LTBP1: variants seen among roughly 807,000 people sequenced by gnomAD.
LTBP1 encodes latent transforming growth factor beta binding protein 1.
A neutral mutation model predicts 207.6 loss-of-function variants in LTBP1; 129 were observed. The observed-to-expected ratio is 0.62, with a 90% confidence interval of 0.54 to 0.72. The LOEUF is 0.72. LTBP1 is among the 30% of genes least tolerant of loss of function. LTBP1 has a pLI of 0.00. For synonymous variants in LTBP1, 963 were observed against 833.7 expected, an observed-to-expected ratio of 1.16 and a Z score of -2.67; for missense variants, 2,281 against 2,217.2, an observed-to-expected ratio of 1.03 and a Z score of -0.58.
chr2:33,337,732 T>C (rs1405453336), intron 24 of LTBP1, among the ~76,000 whole-genome samples: 1 of 152,230 alleles, frequency 6.6e-6, no homozygotes, highest in Non-Finnish European at 1.5e-5. Context: ...AATTGCTTGG[T>C]AGTTTTAACA....
chr2:33,157,824 G>A (rs983868317), intron 5 of LTBP1, among the ~76,000 whole-genome samples: 4 of 152,090 alleles, frequency 2.6e-5, no homozygotes, highest in East Asian at 1.9e-4. Flanking sequence ...GGGTTACTGG[G>A]AAAAGCTGGA....
At chr2:33,186,796 A>G in intron 5 of LTBP1, 60 bp from the exon 6 acceptor site, 2 of 1,329,056 alleles carry the variant, frequency 1.5e-6, no homozygotes, top group South Asian at 1.2e-5. Context: ...TTGTTGGTTG[A>G]TCATTACTTA....
intron 25 of LTBP1, among the ~76,000 whole-genome samples, chr2:33,346,702 G>T (rs1027920090): frequency 2.0e-5 from 3 of 151,056 alleles, no homozygotes; most frequent in Admixed American, 2.0e-4. Context: ...AAAAAGAACT[G>T]AGAGTAGAGT....
intron 24 of LTBP1, among the ~76,000 whole-genome samples, chr2:33,330,389 C>CTCTA (rs1418123974): frequency 6.6e-6 from 1 of 151,794 alleles, no homozygotes; most frequent in Non-Finnish European, 1.5e-5. Context: ...TGTCTAGGAC[C>CTCTA]TCTACTGCAA....
chr2:33,033,847 C>T (rs1318065871), intron 3 of LTBP1, among the ~76,000 whole-genome samples: 2 of 152,122 alleles, frequency 1.3e-5, no homozygotes, highest in African/African-American at 4.8e-5. Flanking sequence ...CTTCAACTAG[C>T]TTTGGTGCTA....
chr2:33,129,406 T>G (rs984989910), intron 4 of LTBP1, among the ~76,000 whole-genome samples: 1 of 152,204 alleles, frequency 6.6e-6, no homozygotes, highest in Non-Finnish European at 1.5e-5. Flanking sequence ...TCAGTTCTAG[T>G]GGACCCAGAA....
chr2:33,042,138 G>A (rs539585073), intron 3 of LTBP1, among the ~76,000 whole-genome samples: 4 of 152,174 alleles, frequency 2.6e-5, no homozygotes, highest in East Asian at 3.9e-4. Context: ...ATGCGTACTT[G>A]CCATCCATAG....
At chr2:33,326,811 A>C (rs1348708736) in intron 24 of LTBP1, among the ~76,000 whole-genome samples, 2 of 151,994 alleles carry the variant, frequency 1.3e-5, no homozygotes, top group Non-Finnish European at 2.9e-5. Flanking sequence ...GGCACGTGCC[A>C]CCACACCTGG....
chr2:33,213,571 A>G (rs147603754), intron 7 of LTBP1, among the ~76,000 whole-genome samples: 154 of 152,176 alleles, frequency 1.0e-3, no homozygotes, highest in African/African-American at 3.6e-3. Flanking sequence ...TCTTTCCTCT[A>G]CCTTCTTTTC....
At position 33,021,200 on chromosome 2, in the gene LTBP1, A is replaced by G. The variant is rs2075149880; in HGVS notation, c.857A>G (p.His286Arg). 3.1e-6 allele frequency: 5 copies of G among 1,587,394 alleles called. No homozygotes were observed. The highest frequency in any genetic ancestry group is 4.3e-6 in the Non-Finnish European group (5 of 1,162,534). ...TCAGTGGGACTCCCCCAGCAGATAC[A>G]TTCTCAGTGAGTGTTTCGAACTTTC... ...KPSVGLPQQI[H>R]SQVTPLSSQS... is the part of the protein sequence containing the mutation. Residue 286 changes from histidine to arginine, a missense_variant, in exon 3 of 34, where the codon CAT (histidine) becomes CGT (arginine). His to Arg is a conservative substitution (Grantham distance 29). Around this residue, in one of 3 missense-constraint regions of LTBP1, gnomAD observed 555 missense variants for 491.0 expected, o/e 1.13. Transcript: ENST00000404816.
At chr2:33,007,687 A>G (rs1053313825) in intron 2 of LTBP1, among the ~76,000 whole-genome samples, 1 of 152,222 alleles carries the variant, frequency 6.6e-6, no homozygotes, top group African/African-American at 2.4e-5. Context: ...TATCCCATAT[A>G]CAAATGTGAC....
At position 33,269,264 on chromosome 2, in the gene LTBP1, C is replaced by T. The variant is rs553371707; in HGVS notation, c.2618-4392C>T. On this transcript the variant is annotated intron_variant, in intron 15 of 33. Transcript: ENST00000404816. ...ACCACACTGTTAAATCTACCATTGG[C>T]CTTGTTGCTGGTATAAATAGAGTAT... is the stretch of plus-strand genomic sequence containing the variant. Among the ~76,000 whole-genome samples the T allele has an allele frequency of 2.0e-5, 3 of 152,256 alleles. No individual in the cohort carries two copies. The South Asian group carries it at 6.2e-4, about 32-fold the overall frequency.
Position 33,134,333 on chromosome 2 carries a change from TTAA to T in LTBP1, c.1034-456_1034-454del. ...CAGGGGTCGGGCTGCAAATAGTGAC[TTAA>T]TAAGTGGAGAAACAGGGAAAGTATG... On this transcript the variant is annotated intron_variant, in intron 4 of 33. Coordinates refer to ENST00000404816, the MANE Select transcript of LTBP1 (RefSeq NM_206943.4). This position sits in a 1 kb window ranked among gnomAD's most constrained non-coding sequence, Gnocchi z 4.4. The T allele has an allele frequency of 4.5e-6, 2 of 442,806 alleles. No individual in the cohort carries two copies. The highest frequency in any genetic ancestry group is 4.6e-6 in the Non-Finnish European group (1 of 217,214). The allele number at this position is 442,806 out of a possible 1,614,324, so 27.4% of individuals were successfully genotyped here.
chr2:33,339,454 A>G (rs896166650), intron 24 of LTBP1, among the ~76,000 whole-genome samples: 5 of 152,100 alleles, frequency 3.3e-5, no homozygotes, highest in African/African-American at 1.2e-4. Context: ...CAGAAAGCCT[A>G]CCTTTAGCAG....
intron 2 of LTBP1, among the ~76,000 whole-genome samples, chr2:33,019,328 CTTT>C (rs58570641): frequency 6.8e-5 from 6 of 87,672 alleles, no homozygotes; most frequent in African/African-American, 2.1e-4. Context: ...ATGTACACTT[CTTT>C]TTTTTTTTTT....
Position 33,011,297 on chromosome 2 carries a change from G to A in LTBP1, c.566-9612G>A, listed in dbSNP as rs189954993. On this transcript the variant is annotated intron_variant, in intron 2 of 33. Transcript: ENST00000404816. The stretch of plus-strand genomic sequence containing the variant: ...TGAATTGACTAGAACATCCAGAAAA[G>A]CATTGTTACAGAGGTGATGGTAGGG... Among the ~76,000 whole-genome samples, 383 of 152,216 alleles carry A rather than the reference G, an allele frequency of 2.5e-3. 1 individual carries two copies. Among genetic ancestry groups the A allele is most frequent in the African/African-American group, 9.0e-3 (375 of 41,548 alleles).
At chr2:33,158,409 T>C (rs148702394) in intron 5 of LTBP1, among the ~76,000 whole-genome samples, 95 of 152,298 alleles carry the variant, frequency 6.2e-4, no homozygotes, top group African/African-American at 2.2e-3. Flanking sequence ...GGCTACTTAC[T>C]GCCCACCGGA....
chr2:33,296,826 GC>G (rs1245394069), intron 20 of LTBP1, among the ~76,000 whole-genome samples: 1 of 152,112 alleles, frequency 6.6e-6, no homozygotes, highest in Non-Finnish European at 1.5e-5. Context: ...ACTTCACTAA[GC>G]CTTACTTTTC....
chr2:33,195,093 A>G (rs961226911), intron 7 of LTBP1, among the ~76,000 whole-genome samples: 2 of 152,254 alleles, frequency 1.3e-5, no homozygotes, highest in African/African-American at 4.8e-5. Context: ...CTGCTCATTG[A>G]CAATGTACCT....
Sources: allele counts gnomAD v4.1 joint callset (sites outside exome capture counted in the v4.1 genomes callset), GRCh38; gene constraint gnomAD v4.1.1; regional missense constraint gnomAD v4.1.1; non-coding constraint Gnocchi (gnomAD v3.1); transcripts MANE v1.5; gene names NCBI Gene and HGNC (gene_info 2026-07-23, HGNC 2026-07-21).